The following ABHD17C variants were observed in gnomAD, a reference collection of about 807,000 sequenced individuals.
ABHD17C encodes the protein alpha/beta hydrolase domain-containing protein 17C.
Under a neutral mutation model 27.9 loss-of-function variants are expected in ABHD17C, and 11 were observed. That is an observed-to-expected ratio of 0.39 (90% CI 0.25 to 0.65). ABHD17C has a LOEUF of 0.65. Among genes scored for constraint, ABHD17C ranks in the 30% least tolerant of loss-of-function variants. ABHD17C has a pLI of 0.45. For missense variants in ABHD17C, 280 were observed against 470.2 expected (o/e 0.60, Z 3.74); for synonymous variants, 233 against 209.1 (o/e 1.11, Z -0.98).
At chr15:80,718,245 G>GT (rs1894836322) in intron 1 of ABHD17C, among the ~76,000 whole-genome samples, 1 of 141,530 alleles carries the variant, frequency 7.1e-6, no homozygotes, top group African/African-American at 2.5e-5. Context: ...CTAGCTTGTA[G>GT]TTTATTTTTT....
At chr15:80,733,259 T>C (rs1230385696) in intron 1 of ABHD17C, among the ~76,000 whole-genome samples, 1 of 152,182 alleles carries the variant, frequency 6.6e-6, no homozygotes, top group East Asian at 1.9e-4. Context: ...CCTGTTTTAG[T>C]CCAGCATTAA....
chr15:80,747,940 C>G (rs1489094286), intron 1 of ABHD17C, among the ~76,000 whole-genome samples: 1 of 152,208 alleles, frequency 6.6e-6, no homozygotes, highest in African/African-American at 2.4e-5. Flanking sequence ...TCCAGGACAG[C>G]CCGTAACCCT....
intron 1 of ABHD17C, among the ~76,000 whole-genome samples, chr15:80,735,101 A>G (rs142537544): frequency 6.6e-6 from 1 of 152,294 alleles, no homozygotes; most frequent in East Asian, 1.9e-4. Context: ...CTTCCTCTGC[A>G]CTGTGGCAGG....
rs1455513120 is a variant in ABHD17C at position 80,695,330 on chromosome 15, G to C, written c.-100G>C. On this transcript the variant is annotated 5_prime_UTR_variant, in exon 1 of 3. Transcript: ENST00000258884. The surrounding 1 kb of genome is among the most constrained non-coding windows in gnomAD (Gnocchi z 4.3). ...CGGGCGGGCTGCAGCCGCCCTCCGC[G>C]CTCGCCTGCCAGCTCCCTCGCCGCG... 3.0e-5 allele frequency: 24 copies of C among 795,516 alleles called. No individual in the cohort carries two copies. Among genetic ancestry groups the C allele is most frequent in the Non-Finnish European group, 3.8e-5 (24 of 632,110 alleles). 49.3% of individuals were successfully genotyped at this position (795,516 alleles called of 1,614,324 possible).
At chr15:80,702,060 A>C (rs1409059602) in intron 1 of ABHD17C, among the ~76,000 whole-genome samples, 1 of 152,168 alleles carries the variant, frequency 6.6e-6, no homozygotes, top group South Asian at 2.1e-4. Context: ...GCTTTTCTCC[A>C]GTAATCCAGT....
chr15:80,748,336 T>C (rs1301227738), intron 1 of ABHD17C, among the ~76,000 whole-genome samples: 1 of 152,226 alleles, frequency 6.6e-6, no homozygotes, highest in Non-Finnish European at 1.5e-5. Context: ...GCTCACGGGC[T>C]TCAACTTTTC....
intron 2 of ABHD17C, among the ~76,000 whole-genome samples, chr15:80,749,975 A>G (rs1279961250): frequency 6.6e-6 from 1 of 152,200 alleles, no homozygotes; most frequent in Non-Finnish European, 1.5e-5. Flanking sequence ...AGGATTTTTA[A>G]CAGCACCCAT....
intron 1 of ABHD17C, among the ~76,000 whole-genome samples, chr15:80,737,816 G>A (rs1895154269): frequency 6.6e-6 from 1 of 152,142 alleles, no homozygotes; most frequent in South Asian, 2.1e-4. Flanking sequence ...TGAGGGAAGA[G>A]CCTGAGCCAC....
chr15:80,747,424 T>C (rs1237087651), intron 1 of ABHD17C, among the ~76,000 whole-genome samples: 2 of 152,202 alleles, frequency 1.3e-5, no homozygotes, highest in Non-Finnish European at 2.9e-5. Flanking sequence ...TGGTGGCAGT[T>C]GCTGCTGGGG....
At chr15:80,727,113 A>G (rs753231222) in intron 1 of ABHD17C, among the ~76,000 whole-genome samples, 2 of 152,204 alleles carry the variant, frequency 1.3e-5, no homozygotes, top group Non-Finnish European at 2.9e-5. Context: ...AACTCGTCTG[A>G]AAGTGTTGTA....
At chr15:80,745,729 A>C (rs1387875929) in intron 1 of ABHD17C, among the ~76,000 whole-genome samples, 1 of 152,158 alleles carries the variant, frequency 6.6e-6, no homozygotes, top group Non-Finnish European at 1.5e-5. Flanking sequence ...AGAAATTACC[A>C]CTAAAGAACT....
chr15:80,729,993 C>A (rs1895036159), intron 1 of ABHD17C, among the ~76,000 whole-genome samples: 1 of 152,094 alleles, frequency 6.6e-6, no homozygotes, highest in South Asian at 2.1e-4. Flanking sequence ...GTGGTGCGTG[C>A]CTATAATCCC....
At chr15:80,714,227 A>C (rs1894772922) in intron 1 of ABHD17C, among the ~76,000 whole-genome samples, 1 of 152,200 alleles carries the variant, frequency 6.6e-6, no homozygotes, top group Non-Finnish European at 1.5e-5. Context: ...AAGTGCTAGG[A>C]TTACAGGCGT....
At chr15:80,746,873 C>G (rs1895294022) in intron 1 of ABHD17C, among the ~76,000 whole-genome samples, 1 of 152,122 alleles carries the variant, frequency 6.6e-6, no homozygotes, top group African/African-American at 2.4e-5. Context: ...TTGGACTCGT[C>G]ATAAGAAGTA....
chr15:80,709,848 G>C (rs1330470286), intron 1 of ABHD17C, among the ~76,000 whole-genome samples: 1 of 152,096 alleles, frequency 6.6e-6, no homozygotes, highest in Non-Finnish European at 1.5e-5. Context: ...ATATCCTGTT[G>C]GATCTGCCTG....
At chr15:80,750,727 G>A (rs867994762) in intron 2 of ABHD17C, among the ~76,000 whole-genome samples, 2 of 152,212 alleles carry the variant, frequency 1.3e-5, no homozygotes, top group Admixed American at 6.5e-5. Flanking sequence ...TTATAGTGGC[G>A]TGGCTGGGAA....
intron 1 of ABHD17C, among the ~76,000 whole-genome samples, chr15:80,725,256 G>A (rs905130963): frequency 8.5e-5 from 13 of 152,144 alleles, no homozygotes; most frequent in African/African-American, 2.2e-4. Context: ...TTTCTCCACC[G>A]TTTCTGAGTC....
chr15:80,699,239 T>C (rs977586337), intron 1 of ABHD17C, among the ~76,000 whole-genome samples: 1 of 152,246 alleles, frequency 6.6e-6, no homozygotes, highest in African/African-American at 2.4e-5. Context: ...TCTCTATTCC[T>C]GACAGTTGGC....
At chr15:80,701,678 CAA>C (rs35847895) in intron 1 of ABHD17C, among the ~76,000 whole-genome samples, 20 of 116,308 alleles carry the variant, frequency 1.7e-4, no homozygotes, top group Middle Eastern at 4.4e-3. Flanking sequence ...GACTCCATCT[CAA>C]AAAAAAAAAA....
Sources: gnomAD v4.1 joint callset for allele counts (sites outside exome capture counted in the v4.1 genomes callset) on GRCh38, gnomAD v4.1.1 for gene constraint, Gnocchi (gnomAD v3.1) non-coding constraint, MANE v1.5 for transcripts, NCBI Gene and HGNC (gene_info 2026-07-23, HGNC 2026-07-21) for gene names.